ARHGEF3: variants seen among roughly 807,000 people sequenced by gnomAD.
ARHGEF3 encodes the protein Rho guanine nucleotide exchange factor 3.
In ARHGEF3, 28 loss-of-function variants were observed where a neutral mutation model predicts 63.2. That is an observed-to-expected ratio of 0.44 (90% CI 0.33 to 0.61). ARHGEF3 has a LOEUF of 0.61. Ranked by LOEUF, ARHGEF3 falls within the 20% of genes least tolerant of loss-of-function variation. The probability of loss-of-function intolerance (pLI) is 0.03; values close to 1 mark genes in which losing one functional copy is unlikely to be tolerated. For synonymous variants in ARHGEF3, 266 were observed against 254.2 expected, an observed-to-expected ratio of 1.05 and a Z score of -0.44; for missense variants, 533 against 659.3, an observed-to-expected ratio of 0.81 and a Z score of 2.10.
chr3:56,749,695 A>T (rs886764953), intron 6 of ARHGEF3, among the ~76,000 whole-genome samples: 1 of 152,242 alleles, frequency 6.6e-6, no homozygotes, highest in East Asian at 1.9e-4. Flanking sequence ...AGTCAAAAAT[A>T]TAAGATGAAT....
chr3:56,923,670 C>T (rs2042208721), intron 3 of ARHGEF3, among the ~76,000 whole-genome samples: 1 of 151,778 alleles, frequency 6.6e-6, no homozygotes, highest in Admixed American at 6.6e-5. Flanking sequence ...ATGAAAATAC[C>T]CCCAAGAAAC....
intron 4 of ARHGEF3, among the ~76,000 whole-genome samples, chr3:56,843,365 T>A (rs527501572): frequency 1.3e-5 from 2 of 151,980 alleles, no homozygotes; most frequent in South Asian, 4.2e-4. Flanking sequence ...GCTCAAACGA[T>A]CCCCCTGCCT....
chr3:56,966,826 C>A (rs1700514115), intron 2 of ARHGEF3, among the ~76,000 whole-genome samples: 1 of 151,040 alleles, frequency 6.6e-6, no homozygotes, highest in Non-Finnish European at 1.5e-5. Flanking sequence ...CATTCTCCAC[C>A]CTCTGTCAGC....
At chr3:57,036,626 C>A (rs1201462698) in intron 1 of ARHGEF3, among the ~76,000 whole-genome samples, 2 of 152,186 alleles carry the variant, frequency 1.3e-5, no homozygotes, top group African/African-American at 4.8e-5. Context: ...CACAAACCTG[C>A]TGCTTCATCT....
At chr3:56,855,438 C>T (rs913956242) in intron 4 of ARHGEF3, among the ~76,000 whole-genome samples, 3 of 151,814 alleles carry the variant, frequency 2.0e-5, no homozygotes, top group African/African-American at 7.3e-5. Context: ...AATCCTAGCA[C>T]TTTGGAAGGT....
intron 2 of ARHGEF3, among the ~76,000 whole-genome samples, chr3:56,979,330 T>TTAC (rs1701238146): frequency 6.6e-5 from 10 of 152,236 alleles, no homozygotes; most frequent in Non-Finnish European, 1.2e-4. Flanking sequence ...CCAGATATAT[T>TTAC]CAACTGTTTG....
At chr3:56,903,073 C>CACAT (rs2041572447) in intron 3 of ARHGEF3, among the ~76,000 whole-genome samples, 1 of 139,054 alleles carries the variant, frequency 7.2e-6, no homozygotes, top group South Asian at 2.2e-4. Flanking sequence ...TAAACATACA[C>CACAT]ACACACACAC....
intron 1 of ARHGEF3, chr3:57,074,446 A>G: frequency 1.6e-6 from 1 of 610,720 alleles, no homozygotes; most frequent in Non-Finnish European, 3.0e-6. Flanking sequence ...CCCCAATATC[A>G]CAGATGAAGA....
At chr3:56,920,885 T>C (rs1397115863) in intron 3 of ARHGEF3, among the ~76,000 whole-genome samples, 1 of 151,804 alleles carries the variant, frequency 6.6e-6, no homozygotes, top group Non-Finnish European at 1.5e-5. Flanking sequence ...ACCCTGTCTC[T>C]ACTAAAAATA....
At chr3:57,004,651 A>T (rs1702399930) in intron 2 of ARHGEF3, among the ~76,000 whole-genome samples, 1 of 152,224 alleles carries the variant, frequency 6.6e-6, no homozygotes, top group Non-Finnish European at 1.5e-5. Context: ...GCAAACTGAG[A>T]TTTCATTACA....
chr3:57,054,560 C>A lies in ARHGEF3; in HGVS notation c.-27-19384G>T, dbSNP rs188200647. Reference sequence around the variant, plus strand: ...GGCTGAGGTGGGAGGATTGCTTGAGCCCAGCAGGGTGGAGGCTGAAGTGAG... The same window carrying A: ...GGCTGAGGTGGGAGGATTGCTTGAGACCAGCAGGGTGGAGGCTGAAGTGAG... On this transcript the variant is annotated intron_variant, in intron 1 of 12. Coordinates refer to the ARHGEF3 transcript ENST00000338458. Among the ~76,000 whole-genome samples, 596 of 151,456 alleles carry A rather than the reference C, an allele frequency of 3.9e-3. 4 individuals are homozygous for A. Among genetic ancestry groups the A allele is most frequent in the African/African-American group, 0.014 (558 of 41,326 alleles).
intron 3 of ARHGEF3, among the ~76,000 whole-genome samples, chr3:56,889,865 C>T (rs183502349): frequency 6.6e-6 from 1 of 152,128 alleles, no homozygotes. Context: ...AGTTTGAGAC[C>T]AGCCTGGCCA....
intron 2 of ARHGEF3, among the ~76,000 whole-genome samples, chr3:56,765,234 T>C (rs2035639572): frequency 6.6e-6 from 1 of 152,192 alleles, no homozygotes; most frequent in Non-Finnish European, 1.5e-5. Context: ...GTTCTGTTTG[T>C]TTTGTTTTAG....
chr3:56,882,137 A>G (rs1158261661), intron 4 of ARHGEF3, among the ~76,000 whole-genome samples: 1 of 152,220 alleles, frequency 6.6e-6, no homozygotes, highest in East Asian at 1.9e-4. Context: ...AGTGAAATAA[A>G]ATGTTTTTCA....
intron 1 of ARHGEF3, among the ~76,000 whole-genome samples, chr3:57,056,827 G>T (rs1420137835): frequency 6.6e-6 from 1 of 152,002 alleles, no homozygotes; most frequent in Non-Finnish European, 1.5e-5. Flanking sequence ...CTATGGGATT[G>T]AAGGGCATTC....
At chr3:56,889,291 T>C (rs998788929) in intron 3 of ARHGEF3, among the ~76,000 whole-genome samples, 12 of 152,184 alleles carry the variant, frequency 7.9e-5, no homozygotes, top group Non-Finnish European at 1.5e-4. Flanking sequence ...ATCCTATCCT[T>C]ACCCGACAAC....
At chr3:56,957,910 T>C (rs1700113714) in intron 3 of ARHGEF3, among the ~76,000 whole-genome samples, 1 of 152,186 alleles carries the variant, frequency 6.6e-6, no homozygotes, top group Admixed American at 6.5e-5. Flanking sequence ...AGGACCTCCA[T>C]ACACTGTGGC....
At chr3:56,868,451 A>C (rs1578719329) in intron 4 of ARHGEF3, among the ~76,000 whole-genome samples, 1 of 148,668 alleles carries the variant, frequency 6.7e-6, no homozygotes, top group Non-Finnish European at 1.5e-5. Flanking sequence ...GCCTCCACCC[A>C]CCCTGGGTTC....
chr3:56,835,882 C>T (rs2039090932), intron 4 of ARHGEF3, among the ~76,000 whole-genome samples: 1 of 152,194 alleles, frequency 6.6e-6, no homozygotes, highest in African/African-American at 2.4e-5. Context: ...GAATCATGCA[C>T]CTCCACACAG....
Sources: allele counts gnomAD v4.1 joint callset (sites outside exome capture counted in the v4.1 genomes callset), GRCh38; gene constraint gnomAD v4.1.1; transcripts MANE v1.5; gene names NCBI Gene and HGNC (gene_info 2026-07-23, HGNC 2026-07-21).